Variants in EFEMP1 observed in about 807,000 individuals in gnomAD.
EFEMP1 encodes the protein EGF-like fibulin extracellular matrix protein 1.
Under a neutral mutation model 65.7 loss-of-function variants are expected in EFEMP1, and 18 were observed. That is an observed-to-expected ratio of 0.27 (90% CI 0.19 to 0.41). The LOEUF (loss-of-function observed/expected upper bound fraction) is 0.41, where lower values mean the gene tolerates loss of function less well. Among genes scored for constraint, EFEMP1 ranks in the 10% least tolerant of loss-of-function variants. EFEMP1 has a pLI of 1.00. For synonymous variants in EFEMP1, 237 were observed against 219.7 expected, an observed-to-expected ratio of 1.08 and a Z score of -0.70; for missense variants, 469 against 624.8, an observed-to-expected ratio of 0.75 and a Z score of 2.66.
chr2:55,894,542 C>T (rs530518551), intron 5 of EFEMP1, among the ~76,000 whole-genome samples: 2 of 152,304 alleles, frequency 1.3e-5, no homozygotes, highest in African/African-American at 4.8e-5. Flanking sequence ...TGGTGATCTA[C>T]ACCACTTGTA....
intron 5 of EFEMP1, among the ~76,000 whole-genome samples, chr2:55,892,382 G>C (rs1572815590): frequency 6.6e-6 from 1 of 152,018 alleles, no homozygotes. Context: ...TGGATCTTGG[G>C]AAACCTGAGT....
In EFEMP1 at chr2:55,871,841, A is replaced by T. The variant is rs1003226890; in HGVS notation, c.1001-718T>A. The stretch of plus-strand genomic sequence containing the variant: ...TATGAAGTGTTCCACCTCATAGAGC[A>T]TAGCAATTTTAGGACTGTAAGGAAA... On this transcript the variant is annotated intron_variant, in intron 9 of 11. Transcript: ENST00000355426. This position sits in a 1 kb window ranked among gnomAD's most constrained non-coding sequence, Gnocchi z 4.2. Among the ~76,000 whole-genome samples, 2 of 152,112 alleles carry T rather than the reference A, an allele frequency of 1.3e-5. No homozygotes were observed. Among genetic ancestry groups the T allele is most frequent in the Non-Finnish European group, 2.9e-5 (2 of 68,000 alleles).
Position 55,917,517 on chromosome 2 carries a change from G to C in EFEMP1, c.517+148C>G. On this transcript the variant is annotated intron_variant, in intron 5 of 11. Coordinates refer to ENST00000355426, the MANE Select transcript of EFEMP1 (RefSeq NM_001039348.3). This position sits in a 1 kb window ranked among gnomAD's most constrained non-coding sequence, Gnocchi z 6.3. Reference sequence around the variant, plus strand: ...GACAACTACAGCAACTACCCTTTAGGAATATTGTGATGATTAAATATAATG... The same window carrying C: ...GACAACTACAGCAACTACCCTTTAGCAATATTGTGATGATTAAATATAATG... The C allele has an allele frequency of 9.4e-7, 1 of 1,063,694 alleles. No homozygotes were observed. The highest frequency in any genetic ancestry group is 1.3e-5 in the South Asian group (1 of 74,944). The allele number at this position is 1,063,694 out of a possible 1,614,324, so 65.9% of individuals were successfully genotyped here.
intron 5 of EFEMP1, among the ~76,000 whole-genome samples, chr2:55,892,141 A>G (rs927858473): frequency 1.3e-5 from 2 of 152,128 alleles, no homozygotes; most frequent in Non-Finnish European, 2.9e-5. Flanking sequence ...TTGCAATTCT[A>G]AAGGCTTCTC....
At chr2:55,907,219 C>T (rs566185472) in intron 5 of EFEMP1, among the ~76,000 whole-genome samples, 1 of 152,250 alleles carries the variant, frequency 6.6e-6, no homozygotes, top group South Asian at 2.1e-4. Flanking sequence ...TACATGGTAC[C>T]TTCCTACTGA....
At position 55,870,315 on chromosome 2, in the gene EFEMP1, T is replaced by C. The variant is rs565470273; in HGVS notation, c.1320+405A>G. On this transcript the variant is annotated intron_variant, in intron 11 of 11. Coordinates refer to ENST00000355426, the MANE Select transcript of EFEMP1 (RefSeq NM_001039348.3). This position sits in a 1 kb window ranked among gnomAD's most constrained non-coding sequence, Gnocchi z 5.8. ...TTTGAATTATATGTATGTCTATGTA[T>C]AATTAATTAACCATCAATGATTAGT... Among the ~76,000 whole-genome samples the C allele has an allele frequency of 7.0e-6, 1 of 142,688 alleles. No individual in the cohort carries two copies. The highest frequency in any genetic ancestry group is 2.3e-4 in the South Asian group (1 of 4,414). The allele number at this position is 142,688 out of a possible 152,430, so 93.6% of individuals were successfully genotyped here.
intron 8 of EFEMP1, 74 bp downstream of exon 8, chr2:55,876,549 G>T: frequency 1.3e-6 from 2 of 1,569,998 alleles, no homozygotes; most frequent in South Asian, 1.1e-5. Flanking sequence ...TTCATAAATG[G>T]GTACATAATC....
intron 6 of EFEMP1, among the ~76,000 whole-genome samples, chr2:55,878,693 G>A (rs1417195516): frequency 7.0e-6 from 1 of 143,692 alleles, no homozygotes; most frequent in Non-Finnish European, 1.5e-5. Context: ...CTTTATGCTG[G>A]GCTCTTTTGG....
chr2:55,906,222 CTTTTTTTTT>C (rs577782138), intron 5 of EFEMP1, among the ~76,000 whole-genome samples: 10 of 129,790 alleles, frequency 7.7e-5, no homozygotes, highest in African/African-American at 2.6e-4. Context: ...AGCCCTGCAT[CTTTTTTTTT>C]TTTTTTTTTT....
intron 5 of EFEMP1, among the ~76,000 whole-genome samples, chr2:55,890,552 A>G (rs1669592922): frequency 6.6e-6 from 1 of 152,132 alleles, no homozygotes; most frequent in Non-Finnish European, 1.5e-5. Flanking sequence ...ATATGCTGGC[A>G]TTAAAGTAAG....
intron 5 of EFEMP1, among the ~76,000 whole-genome samples, chr2:55,909,676 GAAC>G (rs1188891376): frequency 3.3e-5 from 5 of 152,126 alleles, no homozygotes; most frequent in Non-Finnish European, 5.9e-5. Context: ...ACATTTCTGA[GAAC>G]ACGTTTTCTT....
intron 7 of EFEMP1, among the ~76,000 whole-genome samples, chr2:55,876,976 G>A (rs989312454): frequency 1.3e-5 from 2 of 151,944 alleles, no homozygotes; most frequent in Non-Finnish European, 2.9e-5. Flanking sequence ...TGGAAATACC[G>A]AAATATTTTT....
chr2:55,907,739 A>AT (rs1191253701), intron 5 of EFEMP1, among the ~76,000 whole-genome samples: 2 of 152,182 alleles, frequency 1.3e-5, no homozygotes, highest in Non-Finnish European at 2.9e-5. Context: ...GTTGGACCCC[A>AT]TGAGTTGTTT....
In EFEMP1 at chr2:55,915,934, A is replaced by G. The variant is rs182965327; in HGVS notation, c.517+1731T>C. On this transcript the variant is annotated intron_variant, in intron 5 of 11. Coordinates refer to ENST00000355426, the MANE Select transcript of EFEMP1 (RefSeq NM_001039348.3). ...ATATCAAGCAGATGCTGAAGCATTC[A>G]TCATCAATACTGGAATTCTGACTCA... Among the ~76,000 whole-genome samples the G allele has an allele frequency of 2.0e-5, 3 of 152,260 alleles. No homozygotes were observed. In the East Asian group the frequency reaches 5.8e-4, roughly 29 times the overall value.
At chr2:55,906,729 C>G (rs138856148) in intron 5 of EFEMP1, among the ~76,000 whole-genome samples, 1 of 152,278 alleles carries the variant, frequency 6.6e-6, no homozygotes, top group African/African-American at 2.4e-5. Context: ...TACTTCCTGA[C>G]TATATAATTT....
In EFEMP1 at chr2:55,919,542, C is replaced by A. The variant is rs1188246828; in HGVS notation, c.82-1275G>T. Among the ~76,000 whole-genome samples, 3 of 152,176 alleles carry A rather than the reference C, an allele frequency of 2.0e-5. No homozygotes were observed. The East Asian group carries it at 5.8e-4, about 29-fold the overall frequency. ...TCAGGAAACAATCTGATCAGACGCT[C>A]ATTTGAGAAAGTCACTGTAAGGAAG... On this transcript the variant is annotated intron_variant, in intron 3 of 11. Transcript: ENST00000355426. The surrounding 1 kb of genome is among the most constrained non-coding windows in gnomAD (Gnocchi z 4.5).
chr2:55,911,742 C>T (rs1670489755), intron 5 of EFEMP1, among the ~76,000 whole-genome samples: 1 of 152,082 alleles, frequency 6.6e-6, no homozygotes, highest in Non-Finnish European at 1.5e-5. Flanking sequence ...AGTCCTGCTG[C>T]AGGAGAGTGA....
chr2:55,900,344 G>A (rs1041870157), intron 5 of EFEMP1, among the ~76,000 whole-genome samples: 2 of 146,382 alleles, frequency 1.4e-5, no homozygotes, highest in Admixed American at 7.0e-5. Context: ...TGCCTTCTTC[G>A]TGGACTAGAC....
intron 5 of EFEMP1, among the ~76,000 whole-genome samples, chr2:55,905,069 C>T (rs1183036172): frequency 2.1e-5 from 3 of 145,542 alleles, no homozygotes; most frequent in Non-Finnish European, 4.5e-5. Context: ...CTTAGGATCT[C>T]CAACTGCAAA....
Sources: allele counts gnomAD v4.1 joint callset (sites outside exome capture counted in the v4.1 genomes callset), GRCh38; gene constraint gnomAD v4.1.1; non-coding constraint Gnocchi (gnomAD v3.1); transcripts MANE v1.5; gene names NCBI Gene and HGNC (gene_info 2026-07-23, HGNC 2026-07-21).